The following TUSC3 variants were observed in gnomAD, a reference collection of about 807,000 sequenced individuals.
TUSC3 encodes dolichyl-diphosphooligosaccharide--protein glycosyltransferase subunit TUSC3.
Under a neutral mutation model 44.8 loss-of-function variants are expected in TUSC3, and 45 were observed. The observed-to-expected ratio is 1.00, with a 90% CI of 0.79 to 1.29. The LOEUF is 1.29. Among genes scored for constraint, TUSC3 ranks in the 50% most tolerant of loss-of-function variants. The pLI, the probability that TUSC3 is intolerant of heterozygous loss-of-function variation, is 0.00. For missense variants in TUSC3, 519 were observed against 437.9 expected, an observed-to-expected ratio of 1.19 and a Z score of -1.65; for synonymous variants, 212 against 152.9, an observed-to-expected ratio of 1.39 and a Z score of -2.85.
At position 15,765,483 on chromosome 8, in the gene TUSC3, G is replaced by C. The variant is rs1481472568; in HGVS notation, c.*1327G>C. On this transcript the variant is annotated 3_prime_UTR_variant, in exon 11 of 11. Transcript: ENST00000503731. Reference sequence around the variant, plus strand: ...AACAAGAAACGGGTGTACAACCATTGAGTTTACTTACTTAAATCTGTGAAT... The same window carrying C: ...AACAAGAAACGGGTGTACAACCATTCAGTTTACTTACTTAAATCTGTGAAT... 6.6e-6 allele frequency: 1 copy of C among 151,956 alleles called. No homozygotes were observed. The highest frequency in any genetic ancestry group is 1.9e-4 in the East Asian group (1 of 5,194). The allele number at this position is 151,956 out of a possible 1,614,324, so 9.4% of individuals were successfully genotyped here.
intron 1 of TUSC3, among the ~76,000 whole-genome samples, chr8:15,592,542 C>G (rs542195887): frequency 1.3e-5 from 2 of 152,176 alleles, no homozygotes; most frequent in South Asian, 4.2e-4. Context: ...GCCACCTCCT[C>G]CTAACTCTCT....
chr8:15,459,268 T>G (rs76791159), intron 1 of TUSC3, among the ~76,000 whole-genome samples: 10,239 of 152,238 alleles, frequency 0.067, 368 homozygotes, highest in South Asian at 0.11. Context: ...ACTGTCTAGT[T>G]CAGGAAGTTT....
At chr8:15,710,968 T>G (rs957438610) in intron 6 of TUSC3, among the ~76,000 whole-genome samples, 10 of 151,286 alleles carry the variant, frequency 6.6e-5, no homozygotes, top group Non-Finnish European at 1.5e-4. Flanking sequence ...TTGCAGTCAG[T>G]TAACTAATCT....
the TUSC3 span, chr8:15,806,482 G>C: frequency 4.1e-4 from 383 of 944,996 alleles, 1 homozygote; most frequent in African/African-American, 5.4e-3. Flanking sequence ...AACAGGTGTC[G>C]ACTATTTCAT....
At chr8:15,753,190 A>G (rs993303544) in intron 9 of TUSC3, among the ~76,000 whole-genome samples, 1 of 151,928 alleles carries the variant, frequency 6.6e-6, no homozygotes, top group African/African-American at 2.4e-5. Flanking sequence ...TCTGAATTTC[A>G]TGACTTAGTT....
At chr8:15,446,574 A>G (rs1800106077) in intron 1 of TUSC3, among the ~76,000 whole-genome samples, 2 of 151,896 alleles carry the variant, frequency 1.3e-5, no homozygotes, top group Admixed American at 1.3e-4. Flanking sequence ...AAAAAATACA[A>G]AAACGAGTCA....
chr8:15,689,047 C>T (rs928191776), intron 6 of TUSC3: 4 of 319,488 alleles, frequency 1.3e-5, no homozygotes, highest in African/African-American at 4.5e-5. Flanking sequence ...GGGGATGACT[C>T]GTCAATGTCA....
intron 1 of TUSC3, among the ~76,000 whole-genome samples, chr8:15,583,746 T>A (rs1803477499): frequency 6.6e-6 from 1 of 152,326 alleles, no homozygotes; most frequent in African/African-American, 2.4e-5. Flanking sequence ...TTAATTAAAT[T>A]TAATTAAAAT....
chr8:15,430,967 T>C lies in TUSC3; in HGVS notation n.91+13662T>C, dbSNP rs528403218. ...TGTCCTTTCCCCATTGTAATTATTGTAATCTTTGGTTAAAGGTGAAGTGAT... is the reference window on the plus strand; with the variant it reads ...TGTCCTTTCCCCATTGTAATTATTGCAATCTTTGGTTAAAGGTGAAGTGAT... On this transcript the variant is annotated intron_variant and non_coding_transcript_variant, in intron 1 of 5. Transcript: ENST00000503191. Among the ~76,000 whole-genome samples the C allele has an allele frequency of 1.3e-3, 191 of 151,894 alleles. 7 individuals carry two copies. The highest frequency in any genetic ancestry group is 4.4e-3 in the African/African-American group (181 of 41,164).
chr8:15,748,034 ACATGTTTTGTTTTGAT>A (rs1811496782), intron 8 of TUSC3, among the ~76,000 whole-genome samples: 1 of 152,122 alleles, frequency 6.6e-6, no homozygotes, highest in Admixed American at 6.6e-5. Context: ...GTGGTTTATA[ACATGTTTTGTTTTGAT>A]CACTCTGGGG....
rs568848204 is a variant in TUSC3, at chr8:15,594,810, C to G, written c.139-28270C>G. Among the ~76,000 whole-genome samples the G allele has an allele frequency of 2.0e-5, 3 of 152,224 alleles. No individual in the cohort carries two copies. In the South Asian group the frequency reaches 6.2e-4, roughly 32 times the overall value. ...GAATGTCTTTTTATGCAACAAGTTA[C>G]ATAAGACAGATTCATGACTTACAGG... On this transcript the variant is annotated intron_variant, in intron 1 of 10. Coordinates refer to ENST00000503731, the MANE Select transcript of TUSC3 (RefSeq NM_006765.4).
At chr8:15,494,774 A>G (rs1375963539) in intron 2 of TUSC3, among the ~76,000 whole-genome samples, 1 of 152,232 alleles carries the variant, frequency 6.6e-6, no homozygotes, top group Non-Finnish European at 1.5e-5. Flanking sequence ...AGGGTGAAAT[A>G]GACAATGCAG....
chr8:15,553,728 C>G (rs1241082248), intron 1 of TUSC3, among the ~76,000 whole-genome samples: 1 of 151,530 alleles, frequency 6.6e-6, no homozygotes, highest in Non-Finnish European at 1.5e-5. Flanking sequence ...TCTTCTCAAA[C>G]AATTTGCTGT....
chr8:15,806,782 T>C, the TUSC3 span: 1 of 812,360 alleles, frequency 1.2e-6, no homozygotes, highest in Non-Finnish European at 2.1e-6. Context: ...GAATTCATTC[T>C]TTTTCTAGCG....
chr8:15,476,756 G>T (rs1393770109), intron 1 of TUSC3, among the ~76,000 whole-genome samples: 2 of 152,160 alleles, frequency 1.3e-5, no homozygotes, highest in Non-Finnish European at 2.9e-5. Flanking sequence ...AATTTTCTGG[G>T]GTTTAAATAC....
At chr8:15,818,872 T>G in the TUSC3 span, among the ~76,000 whole-genome samples, 2 of 152,218 alleles carry the variant, frequency 1.3e-5, no homozygotes, top group Non-Finnish European at 2.9e-5. Flanking sequence ...AAGGCTGTAT[T>G]GAAATATTTG....
At chr8:15,722,436 C>T (rs1045732426) in intron 6 of TUSC3, among the ~76,000 whole-genome samples, 1 of 151,938 alleles carries the variant, frequency 6.6e-6, no homozygotes, top group Non-Finnish European at 1.5e-5. Flanking sequence ...TGGACTGAAT[C>T]TAGTCTCTGG....
At chr8:15,468,893 CTGAGT>C (rs1800448856) in intron 1 of TUSC3, among the ~76,000 whole-genome samples, 1 of 150,902 alleles carries the variant, frequency 6.6e-6, no homozygotes. Context: ...AAGGAATAAT[CTGAGT>C]TAAGAGTGCA....
the TUSC3 span, among the ~76,000 whole-genome samples, chr8:15,816,515 C>T: frequency 1.3e-5 from 2 of 152,066 alleles, no homozygotes; most frequent in Non-Finnish European, 1.5e-5. Context: ...AGGTGACTGC[C>T]AGCAATGAGT....
Sources: gnomAD v4.1 joint callset for allele counts (sites outside exome capture counted in the v4.1 genomes callset) on GRCh38, gnomAD v4.1.1 for gene constraint, MANE v1.5 for transcripts, NCBI Gene and HGNC (gene_info 2026-07-23, HGNC 2026-07-21) for gene names.